EXOC6B: variants seen among roughly 807,000 people sequenced by gnomAD.
EXOC6B encodes the protein SEC15 homolog B.
EXOC6B carries 54 observed loss-of-function variants against 113.5 expected under a neutral mutation model. The observed-to-expected ratio is 0.48, with a 90% CI of 0.38 to 0.60. The LOEUF (loss-of-function observed/expected upper bound fraction) is 0.60. Ranked by LOEUF, EXOC6B falls within the 20% of genes least tolerant of loss-of-function variation. EXOC6B has a pLI of 0.00. For missense variants in EXOC6B, 797 were observed against 977.5 expected (o/e 0.82, Z 2.46); for synonymous variants, 357 against 339.0 (o/e 1.05, Z -0.58).
chr2:72,398,433 A>C (rs1313742374), intron 18 of EXOC6B, among the ~76,000 whole-genome samples: 1 of 152,092 alleles, frequency 6.6e-6, no homozygotes, highest in African/African-American at 2.4e-5. Flanking sequence ...CTGGTGGCTC[A>C]CACCTGTAAT....
In EXOC6B at chr2:72,313,281, T is replaced by C. The variant is rs1219351066; in HGVS notation, c.2196+21666A>G. Among the ~76,000 whole-genome samples, 3 of 152,150 alleles carry C rather than the reference T, an allele frequency of 2.0e-5. No homozygotes were observed. The East Asian group carries it at 5.8e-4, about 29-fold the overall frequency. ...ACTAATGGATACTAGACTTAATTCCTGGGTGAAGAAATATTTGGTACAACA... is the reference window on the plus strand; with the variant it reads ...ACTAATGGATACTAGACTTAATTCCCGGGTGAAGAAATATTTGGTACAACA... On this transcript the variant is annotated intron_variant, in intron 20 of 21. Transcript: ENST00000272427.
chr2:72,183,904 C>T (rs1678251356), intron 21 of EXOC6B, among the ~76,000 whole-genome samples, 171 bp downstream of exon 21: 1 of 152,174 alleles, frequency 6.6e-6, no homozygotes, highest in Non-Finnish European at 1.5e-5. Context: ...AGGAGGAAGA[C>T]TGGCCTGCCA....
At chr2:72,708,163 A>G (rs1204892145) in intron 6 of EXOC6B, among the ~76,000 whole-genome samples, 1 of 152,152 alleles carries the variant, frequency 6.6e-6, no homozygotes, top group Non-Finnish European at 1.5e-5. Context: ...GGAAAAAATC[A>G]AGTTCCCAAT....
chr2:72,606,541 C>A (rs1000649105), intron 6 of EXOC6B, among the ~76,000 whole-genome samples: 1 of 151,600 alleles, frequency 6.6e-6, no homozygotes, highest in Non-Finnish European at 1.5e-5. Flanking sequence ...CCAGCCTAAG[C>A]AAAACAGTAA....
At chr2:72,659,644 C>T (rs1179602134) in intron 6 of EXOC6B, among the ~76,000 whole-genome samples, 2 of 152,056 alleles carry the variant, frequency 1.3e-5, no homozygotes, top group Non-Finnish European at 2.9e-5. Context: ...TGGAAAATGG[C>T]TCCTAAGCTG....
chr2:72,699,474 T>C (rs2104626237), intron 6 of EXOC6B, among the ~76,000 whole-genome samples: 1 of 141,100 alleles, frequency 7.1e-6, no homozygotes, highest in South Asian at 2.2e-4. Flanking sequence ...TGAGACTCCG[T>C]CTCAAAAAAA....
chr2:72,761,046 G>A (rs938532707), intron 1 of EXOC6B, among the ~76,000 whole-genome samples: 1 of 152,048 alleles, frequency 6.6e-6, no homozygotes, highest in Non-Finnish European at 1.5e-5. Context: ...TGGGTGTGGT[G>A]GTGTGCACCT....
At chr2:72,432,075 T>C (rs1695569706) in intron 18 of EXOC6B, among the ~76,000 whole-genome samples, 1 of 152,098 alleles carries the variant, frequency 6.6e-6, no homozygotes, top group Non-Finnish European at 1.5e-5. Flanking sequence ...TCAATCTTTT[T>C]TCCCAGGCTG....
At chr2:72,781,336 AGTG>A (rs1324072471) in intron 1 of EXOC6B, among the ~76,000 whole-genome samples, 1 of 152,186 alleles carries the variant, frequency 6.6e-6, no homozygotes, top group East Asian at 1.9e-4. Flanking sequence ...TCAAAATTTC[AGTG>A]GCTTAAAACA....
intron 6 of EXOC6B, among the ~76,000 whole-genome samples, chr2:72,666,746 G>A (rs1296232020): frequency 6.7e-6 from 1 of 148,530 alleles, no homozygotes; most frequent in Non-Finnish European, 1.5e-5. Flanking sequence ...TTATAGCAGA[G>A]AAGCAAATCA....
At chr2:72,736,282 T>C (rs1392301277) in intron 2 of EXOC6B, among the ~76,000 whole-genome samples, 1 of 152,014 alleles carries the variant, frequency 6.6e-6, no homozygotes, top group East Asian at 1.9e-4. Flanking sequence ...AGTGTGTGTA[T>C]GTATACACTG....
intron 1 of EXOC6B, among the ~76,000 whole-genome samples, chr2:72,823,813 C>T (rs574566678): frequency 6.6e-6 from 1 of 152,080 alleles, no homozygotes; most frequent in African/African-American, 2.4e-5. Flanking sequence ...TGCATCCGCA[C>T]TAAACATGCT....
At chr2:72,350,148 T>C (rs1389642286) in intron 19 of EXOC6B, among the ~76,000 whole-genome samples, 1 of 152,224 alleles carries the variant, frequency 6.6e-6, no homozygotes, top group African/African-American at 2.4e-5. Flanking sequence ...TGCATTTTTA[T>C]CTACATGGCC....
intron 2 of EXOC6B, among the ~76,000 whole-genome samples, chr2:72,736,843 A>T (rs553050930): frequency 1.4e-4 from 22 of 152,354 alleles, no homozygotes; most frequent in African/African-American, 5.1e-4. Flanking sequence ...TCTAAGAAGC[A>T]TAGAAAAGAA....
chr2:72,277,871 T>A (rs1003429757), intron 20 of EXOC6B, among the ~76,000 whole-genome samples: 4 of 152,072 alleles, frequency 2.6e-5, no homozygotes, highest in African/African-American at 9.7e-5. Context: ...AAAATTATCA[T>A]CTCCATTCTG....
chr2:72,364,557 T>G (rs576915807), intron 19 of EXOC6B, among the ~76,000 whole-genome samples: 75 of 152,270 alleles, frequency 4.9e-4, no homozygotes, highest in South Asian at 3.5e-3. Flanking sequence ...TCTGTTGTGT[T>G]TCCACCTTTT....
At chr2:72,368,655 G>A (rs901853321) in intron 19 of EXOC6B, among the ~76,000 whole-genome samples, 16 of 152,144 alleles carry the variant, frequency 1.1e-4, no homozygotes, top group Non-Finnish European at 2.2e-4. Flanking sequence ...ACATCAAAAA[G>A]CTTATCTACC....
intron 20 of EXOC6B, among the ~76,000 whole-genome samples, chr2:72,197,004 T>C (rs1226572979): frequency 6.6e-6 from 1 of 152,072 alleles, no homozygotes; most frequent in East Asian, 1.9e-4. Flanking sequence ...TGCCAAAAAG[T>C]TGGGCATGAT....
At chr2:72,436,030 T>G (rs1254689088) in intron 18 of EXOC6B, among the ~76,000 whole-genome samples, 2 of 152,246 alleles carry the variant, frequency 1.3e-5, no homozygotes, top group Non-Finnish European at 2.9e-5. Context: ...TTGCAGTGGC[T>G]GATACCGCTT....
Sources: allele counts gnomAD v4.1 joint callset (sites outside exome capture counted in the v4.1 genomes callset), GRCh38; gene constraint gnomAD v4.1.1; transcripts MANE v1.5; gene names NCBI Gene and HGNC (gene_info 2026-07-23, HGNC 2026-07-21).